Variants in SLC44A3 observed in about 807,000 individuals in gnomAD.
SLC44A3 encodes the protein solute carrier family 44 member 3, also known as choline transporter-like protein 3.
In SLC44A3, 74 loss-of-function variants were observed where a neutral mutation model predicts 75.4. The observed-to-expected ratio is 0.98, with a 90% CI of 0.81 to 1.19. SLC44A3 has a LOEUF of 1.19. Ranked by LOEUF, SLC44A3 falls within the 50% of genes most tolerant of loss-of-function variation. The pLI is 0.00. For missense variants in SLC44A3, 700 were observed against 778.6 expected (o/e 0.90, Z 1.20); for synonymous variants, 310 against 296.9 (o/e 1.04, Z -0.45).
intron 2 of SLC44A3, among the ~76,000 whole-genome samples, chr1:94,823,409 G>A (rs1660883862): frequency 6.6e-6 from 1 of 152,176 alleles, no homozygotes; most frequent in Non-Finnish European, 1.5e-5. Flanking sequence ...GTTAGACTTA[G>A]GAGGATCTTG....
At position 94,872,165 on chromosome 1, in the gene SLC44A3, G is replaced by A. The variant is rs1399257149; in HGVS notation, c.1482+4748G>A. Reference sequence around the variant, plus strand: ...TGCCCAGGCTGGAGTGCAATGGCACGATCTCGGCTCACTACACCCTCCGCC... The same window carrying A: ...TGCCCAGGCTGGAGTGCAATGGCACAATCTCGGCTCACTACACCCTCCGCC... On this transcript the variant is annotated intron_variant, in intron 12 of 14. Coordinates refer to ENST00000271227, the MANE Select transcript of SLC44A3 (RefSeq NM_001114106.3). 3.3e-5 allele frequency among the ~76,000 whole-genome samples: 5 copies of A among 152,088 alleles called. No individual in the cohort carries two copies. In the South Asian group the frequency reaches 6.2e-4, roughly 19 times the overall value.
chr1:94,843,311 A>G (rs1378609152), intron 8 of SLC44A3: 1 of 152,222 alleles, frequency 6.6e-6, no homozygotes, highest in Non-Finnish European at 1.5e-5. Flanking sequence ...ATAAGGCAGA[A>G]TTGAGTCCCA....
At chr1:94,876,100 G>A (rs928663381) in intron 12 of SLC44A3, among the ~76,000 whole-genome samples, 12 of 152,176 alleles carry the variant, frequency 7.9e-5, no homozygotes, top group African/African-American at 2.7e-4. Flanking sequence ...TGGACACCAC[G>A]CTGCCTGGGC....
intron 9 of SLC44A3, among the ~76,000 whole-genome samples, chr1:94,851,479 C>T (rs893604713): frequency 2.0e-5 from 3 of 152,176 alleles, no homozygotes; most frequent in Admixed American, 2.0e-4. Context: ...GTATTGTCAT[C>T]CCACAAGAGG....
Position 94,895,035 on chromosome 1 carries a change from T to C in SLC44A3, c.*113T>C. On this transcript the variant is annotated 3_prime_UTR_variant, in exon 15 of 15. Transcript: ENST00000271227. ...GTGAATTTTTTTTTAAAAGACCTAA[T>C]AAACCCTATTCTTCCTCATTGTCTT... 2 of 703,076 alleles carry C rather than the reference T, an allele frequency of 2.8e-6. No homozygotes were observed. Among genetic ancestry groups the C allele is most frequent in the South Asian group, 2.0e-5 (1 of 49,426 alleles). 43.6% of individuals were successfully genotyped at this position (703,076 alleles called of 1,614,324 possible). A position where few individuals can be genotyped will look rare whatever the true frequency, so the allele number is the denominator to read the frequency against.
chr1:94,832,689 C>T (rs1178384090), intron 5 of SLC44A3, among the ~76,000 whole-genome samples: 1 of 152,086 alleles, frequency 6.6e-6, no homozygotes, highest in African/African-American at 2.4e-5. Flanking sequence ...AATGTTCAGC[C>T]CAGACCAGGC....
chr1:94,888,431 T>C (rs1439455682), intron 12 of SLC44A3, among the ~76,000 whole-genome samples: 5 of 152,138 alleles, frequency 3.3e-5, no homozygotes, highest in Admixed American at 1.3e-4. Context: ...TGAGGATGAA[T>C]GAATAGATTG....
chr1:94,862,478 T>TA (rs1666691054), intron 10 of SLC44A3, among the ~76,000 whole-genome samples: 1 of 152,216 alleles, frequency 6.6e-6, no homozygotes, highest in African/African-American at 2.4e-5. Context: ...CCAAAGGTGT[T>TA]AGAGGACTTG....
intron 12 of SLC44A3, among the ~76,000 whole-genome samples, chr1:94,881,032 C>T (rs1447580957): frequency 2.0e-5 from 3 of 151,972 alleles, no homozygotes; most frequent in Non-Finnish European, 2.9e-5. Context: ...CGTAAGACCC[C>T]GTCTCAAGAG....
intron 12 of SLC44A3, among the ~76,000 whole-genome samples, chr1:94,881,724 A>C (rs859080): frequency 0.82 from 123,983 of 150,746 alleles, 51,133 homozygotes; most frequent in South Asian, 0.87. Context: ...AAGAACCAAT[A>C]TTCTGCCGGG....
In SLC44A3 at chr1:94,827,564, C is replaced by T; in HGVS notation, c.336C>T (p.Arg112=). The T allele has an allele frequency of 6.2e-7, 1 of 1,614,254 alleles. No individual in the cohort carries two copies. Among genetic ancestry groups the T allele is most frequent in the Non-Finnish European group, 8.5e-7 (1 of 1,180,038 alleles). The change falls in exon 4 of 15, where the codon CGC becomes CGT. Residue 112 remains arginine (R), a synonymous_variant. Coordinates refer to ENST00000271227, the MANE Select transcript of SLC44A3 (RefSeq NM_001114106.3). ...AAGTCAAAGGTACGCAGCTCAACCG[C>T]ATGGCCCTCTGTGTATCCAACTGCC... ...NLEVKGTQLN[R]MALCVSNCPE...
At position 94,865,850 on chromosome 1, in the gene SLC44A3, A is replaced by G. The variant is rs976118056; in HGVS notation, c.1395+951A>G. On this transcript the variant is annotated intron_variant, in intron 11 of 14. Coordinates refer to ENST00000271227, the MANE Select transcript of SLC44A3 (RefSeq NM_001114106.3). ...TTGGAATTGTTTTCATTTACTTTTT[A>G]AAAAGATATCTGAATTGTTGATATT... Among the ~76,000 whole-genome samples the G allele has an allele frequency of 2.0e-5, 3 of 152,212 alleles. No individual in the cohort carries two copies. In the South Asian group the frequency reaches 6.2e-4, roughly 31 times the overall value.
At chr1:94,871,585 C>T (rs994807580) in intron 12 of SLC44A3, among the ~76,000 whole-genome samples, 3 of 152,218 alleles carry the variant, frequency 2.0e-5, no homozygotes, top group Non-Finnish European at 2.9e-5. Context: ...CATCTCTTGT[C>T]CATTGTGGAC....
rs372204304 is a variant in SLC44A3 at position 94,864,608 on chromosome 1, A to T, written c.1239-135A>T. On this transcript the variant is annotated intron_variant, in intron 10 of 14. Coordinates refer to ENST00000271227, the MANE Select transcript of SLC44A3 (RefSeq NM_001114106.3). ...AACAATTTAACCGAAGCTACCAAGGAGTATAAAAAGTTCGCCAAATGCTTA... is the reference window on the plus strand; with the variant it reads ...AACAATTTAACCGAAGCTACCAAGGTGTATAAAAAGTTCGCCAAATGCTTA... The T allele has an allele frequency of 3.8e-5, 28 of 745,444 alleles. 1 individual carries two copies. Among genetic ancestry groups the T allele is most frequent in the Admixed American group, 3.2e-4 (12 of 36,956 alleles). The allele number at this position is 745,444 out of a possible 1,614,324, so 46.2% of individuals were successfully genotyped here. A position where few individuals can be genotyped will look rare whatever the true frequency, so the allele number is the denominator to read the frequency against.
In SLC44A3 at chr1:94,821,041, C is replaced by G. The variant is rs1279438889; in HGVS notation, c.120C>G (p.Leu40=). The G allele has an allele frequency of 3.9e-6, 6 of 1,551,088 alleles. No homozygotes were observed. Among genetic ancestry groups the G allele is most frequent in the Non-Finnish European group, 2.6e-6 (3 of 1,146,688 alleles). The change falls in exon 2 of 15, where the codon CTC becomes CTG. Residue 40 remains leucine, a synonymous_variant. Transcript: ENST00000271227. ...TDTAWLFLFF[L]FWTGLVFIMG... is the part of the protein sequence containing the mutation. Reference sequence around the variant, plus strand: ...CGGCATGGTTATTCCTGTTCTTTCTCTTTTGGACTGGTTTGGTAAGTGTGG... The same window carrying G: ...CGGCATGGTTATTCCTGTTCTTTCTGTTTTGGACTGGTTTGGTAAGTGTGG...
chr1:94,847,664 G>A (rs1664590667), intron 9 of SLC44A3, among the ~76,000 whole-genome samples: 1 of 152,198 alleles, frequency 6.6e-6, no homozygotes, highest in African/African-American at 2.4e-5. Flanking sequence ...AGGGAAACAA[G>A]CCTTTGTTGA....
intron 5 of SLC44A3, among the ~76,000 whole-genome samples, chr1:94,835,424 T>C (rs1662655577): frequency 6.6e-6 from 1 of 152,260 alleles, no homozygotes; most frequent in Non-Finnish European, 1.5e-5. Flanking sequence ...AGTAGTTTAG[T>C]GACAATGTTA....
At chr1:94,878,579 A>G (rs1001981895) in intron 12 of SLC44A3, among the ~76,000 whole-genome samples, 1 of 152,226 alleles carries the variant, frequency 6.6e-6, no homozygotes, top group South Asian at 2.1e-4. Flanking sequence ...AAGGGAAACT[A>G]CTTTCTGAGC....
chr1:94,892,624 AGGGCTCTG>A, intron 14 of SLC44A3, 107 bp downstream of exon 14: 1 of 1,092,310 alleles, frequency 9.2e-7, no homozygotes, highest in Admixed American at 2.1e-5. Context: ...TCTCTTCTAG[AGGGCTCTG>A]AGGCTTCTAC....
Sources: allele counts gnomAD v4.1 joint callset (sites outside exome capture counted in the v4.1 genomes callset), GRCh38; gene constraint gnomAD v4.1.1; transcripts MANE v1.5; gene names NCBI Gene and HGNC (gene_info 2026-07-23, HGNC 2026-07-21).